Variants in CGNL1 observed in about 807,000 individuals in gnomAD.
CGNL1 encodes the protein cingulin-like protein 1.
Under a neutral mutation model 141.2 loss-of-function variants are expected in CGNL1, and 132 were observed. The observed-to-expected ratio is 0.93, with a 90% CI of 0.81 to 1.08. The LOEUF (loss-of-function observed/expected upper bound fraction) is 1.08, where lower values mean the gene tolerates loss of function less well. Among genes scored for constraint, CGNL1 ranks in the 50% least tolerant of loss-of-function variants. The pLI is 0.00. For synonymous variants in CGNL1, 690 were observed against 622.1 expected (o/e 1.11, Z -1.63); for missense variants, 1,870 against 1,588.6 (o/e 1.18, Z -3.01).
At chr15:57,546,840 CGTG>C (rs1392696227) in intron 18 of CGNL1, among the ~76,000 whole-genome samples, 7 of 152,030 alleles carry the variant, frequency 4.6e-5, no homozygotes, top group Admixed American at 4.6e-4. Context: ...CTGGCTGTGA[CGTG>C]GGGCTCTTTG....
intron 8 of CGNL1, among the ~76,000 whole-genome samples, chr15:57,515,906 C>G (rs1341754033): frequency 2.0e-5 from 3 of 152,102 alleles, no homozygotes; most frequent in African/African-American, 7.2e-5. Flanking sequence ...CACCTGTAAT[C>G]CCAGCACTTT....
At chr15:57,441,976 T>C (rs2063192997) in intron 3 of CGNL1, among the ~76,000 whole-genome samples, 1 of 152,012 alleles carries the variant, frequency 6.6e-6, no homozygotes, top group South Asian at 2.1e-4. Flanking sequence ...AGCATGTTTG[T>C]GTGTGTGAGA....
intron 1 of CGNL1, among the ~76,000 whole-genome samples, chr15:57,379,041 G>GTT (rs1212437396): frequency 1.7e-4 from 26 of 149,026 alleles, no homozygotes; most frequent in African/African-American, 5.9e-4. Flanking sequence ...TTTTCCTACT[G>GTT]TTTTTTTTGT....
intron 12 of CGNL1, chr15:57,527,283 ATTTCCTCAAGC>A (rs1167334199): frequency 6.6e-6 from 1 of 152,224 alleles, no homozygotes; most frequent in African/African-American, 2.4e-5. Context: ...AGAAGAACAC[ATTTCCTCAAGC>A]TTTTCCACGG....
At chr15:57,545,488 G>T in intron 16 of CGNL1, 104 bp from the exon 17 acceptor site, 1 of 967,666 alleles carries the variant, frequency 1.0e-6, no homozygotes, top group South Asian at 1.5e-5. Context: ...GCCTTGAGCT[G>T]ACCAGGCACC....
Position 57,400,887 on chromosome 15 carries a change from TAAA to T in CGNL1, c.-16+24342_-16+24344del, listed in dbSNP as rs35735890. On this transcript the variant is annotated intron_variant, in intron 1 of 18. Coordinates refer to ENST00000281282, the MANE Select transcript of CGNL1 (RefSeq NM_032866.5). ...GACAGAATGAGACCCTGTCTCAAAT[TAAA>T]AAAAAAAAAAAAAAAAAAAAAGGCA... is the stretch of plus-strand genomic sequence containing the variant. Among the ~76,000 whole-genome samples the T allele has an allele frequency of 5.1e-3, 398 of 77,886 alleles. 2 individuals carry two copies. The highest frequency in any genetic ancestry group is 0.019 in the African/African-American group (372 of 19,724). The allele number at this position is 77,886 out of a possible 152,430, so 51.1% of individuals were successfully genotyped here. A position where few individuals can be genotyped will look rare whatever the true frequency, so the allele number is the denominator to read the frequency against.
chr15:57,531,846 C>A, intron 14 of CGNL1, 67 bp downstream of exon 14: 1 of 1,014,672 alleles, frequency 9.9e-7, no homozygotes, highest in Non-Finnish European at 1.6e-6. Context: ...GGGGTTAATC[C>A]TGGGGCTTCA....
chr15:57,435,077 A>G (rs1341325497), intron 1 of CGNL1, among the ~76,000 whole-genome samples: 1 of 152,160 alleles, frequency 6.6e-6, no homozygotes, highest in Non-Finnish European at 1.5e-5. Context: ...CATCTCACAG[A>G]TGTAATGTAG....
chr15:57,447,440 G>A (rs1303875029), intron 4 of CGNL1, among the ~76,000 whole-genome samples: 6 of 152,188 alleles, frequency 3.9e-5, no homozygotes, highest in African/African-American at 1.4e-4. Context: ...ATTTAAAGAC[G>A]TTATTCGTCT....
intron 4 of CGNL1, among the ~76,000 whole-genome samples, chr15:57,446,777 C>G (rs2063258269): frequency 6.6e-6 from 1 of 150,894 alleles, no homozygotes; most frequent in South Asian, 2.1e-4. Flanking sequence ...TAAATGTTCC[C>G]AAATGATTTT....
chr15:57,467,400 C>A (rs1377327124), intron 8 of CGNL1, among the ~76,000 whole-genome samples: 1 of 152,072 alleles, frequency 6.6e-6, no homozygotes. Context: ...ATTTTGGGTA[C>A]TGAGTACAGC....
chr15:57,438,791 C>T lies in CGNL1; in HGVS notation c.792C>T (p.Ala264=). The T allele has an allele frequency of 6.2e-7, 1 of 1,614,130 alleles. No individual in the cohort carries two copies. The highest frequency in any genetic ancestry group is 8.5e-7 in the Non-Finnish European group (1 of 1,180,032). Residue 264 remains alanine (A), a synonymous_variant, in exon 2 of 19, where the codon GCC becomes GCT. Transcript: ENST00000281282. ...GRPLTAHSPH[A]HPETKKTRPD... ...CCCTGACTGCCCACAGCCCACATGC[C>T]CACCCTGAAACCAAGAAAACCAGGC...
intron 14 of CGNL1, among the ~76,000 whole-genome samples, chr15:57,537,062 A>G (rs1295955134): frequency 3.9e-5 from 6 of 152,168 alleles, no homozygotes; most frequent in African/African-American, 1.4e-4. Context: ...TTAAAGGCCA[A>G]TAGGCTGTTG....
chr15:57,413,589 A>G (rs2062817150), intron 1 of CGNL1, among the ~76,000 whole-genome samples: 1 of 152,246 alleles, frequency 6.6e-6, no homozygotes, highest in African/African-American at 2.4e-5. Flanking sequence ...CCCGGCCAGC[A>G]TCTCAGTAGG....
At position 57,442,777 on chromosome 15, in the gene CGNL1, C is replaced by A. The variant is rs541694896; in HGVS notation, c.1803+299C>A. Among the ~76,000 whole-genome samples, 115 of 152,126 alleles carry A rather than the reference C, an allele frequency of 7.6e-4. 1 individual carries two copies. Among genetic ancestry groups the A allele is most frequent in the African/African-American group, 2.7e-3 (114 of 41,516 alleles). ...GGAACTACAGGCATGTGCCACCACA[C>A]CCGGCTAATTTTTGTGTTTTTAGTA... is the stretch of plus-strand genomic sequence containing the variant. On this transcript the variant is annotated intron_variant, in intron 4 of 18. Transcript: ENST00000281282.
At position 57,524,561 on chromosome 15, in the gene CGNL1, A is replaced by T. The variant is rs754229545; in HGVS notation, c.2869-20A>T. On this transcript the variant is annotated intron_variant, in intron 11 of 18. Coordinates refer to ENST00000281282, the MANE Select transcript of CGNL1 (RefSeq NM_032866.5). Reference sequence around the variant, plus strand: ...TCAGAGCATCCCAGGGTGGGCTCACACCCGTGTCACTTCTTCTAGATGGCA... The same window carrying T: ...TCAGAGCATCCCAGGGTGGGCTCACTCCCGTGTCACTTCTTCTAGATGGCA... 1 of 1,606,630 alleles carries T rather than the reference A, an allele frequency of 6.2e-7. No homozygotes were observed. Among genetic ancestry groups the T allele is most frequent in the Non-Finnish European group, 8.5e-7 (1 of 1,176,684 alleles).
intron 14 of CGNL1, among the ~76,000 whole-genome samples, chr15:57,543,224 A>AGAGCGC (rs531829589): frequency 1.3e-5 from 2 of 151,348 alleles, no homozygotes; most frequent in East Asian, 1.9e-4. Context: ...CTCCATCTCC[A>AGAGCGC]CTTCCCTGTG....
chr15:57,472,093 A>G (rs932983746), intron 8 of CGNL1, among the ~76,000 whole-genome samples: 6 of 152,044 alleles, frequency 3.9e-5, no homozygotes, highest in African/African-American at 7.2e-5. Flanking sequence ...AAAAATATAT[A>G]CATGTGTAAT....
chr15:57,448,169 G>A (rs1168345047), intron 4 of CGNL1, among the ~76,000 whole-genome samples: 1 of 152,090 alleles, frequency 6.6e-6, no homozygotes, highest in African/African-American at 2.4e-5. Context: ...AAATTGCCAG[G>A]CATGGTGGCT....
Sources: gnomAD v4.1 joint callset for allele counts (sites outside exome capture counted in the v4.1 genomes callset) on GRCh38, gnomAD v4.1.1 for gene constraint, MANE v1.5 for transcripts, NCBI Gene and HGNC (gene_info 2026-07-23, HGNC 2026-07-21) for gene names.